The following SCOC variants were observed in gnomAD, a reference collection of about 807,000 sequenced individuals.
SCOC encodes short coiled coil protein.
Under a neutral mutation model 9.9 loss-of-function variants are expected in SCOC, and 7 were observed. The observed-to-expected ratio is 0.71, with a 90% confidence interval of 0.40 to 1.33. The LOEUF is 1.33. Ranked by LOEUF, SCOC falls within the 40% of genes most tolerant of loss-of-function variation. The pLI is 0.01. For synonymous variants in SCOC, 19 were observed against 28.2 expected (o/e 0.67, Z 1.03); for missense variants, 66 against 89.7 (o/e 0.74, Z 1.07).
At chr4:140,265,708 T>C (rs1730717882) in intron 1 of SCOC, among the ~76,000 whole-genome samples, 1 of 152,254 alleles carries the variant, frequency 6.6e-6, no homozygotes, top group Admixed American at 6.5e-5. Context: ...ATGTAGGCTA[T>C]AGTTCACGAT....
intron 1 of SCOC, among the ~76,000 whole-genome samples, chr4:140,265,644 AT>A (rs1366654148): frequency 1.3e-5 from 2 of 152,190 alleles, no homozygotes; most frequent in Admixed American, 6.5e-5. Context: ...GCCACATTTG[AT>A]TGATCAAAAT....
intron 1 of SCOC, among the ~76,000 whole-genome samples, chr4:140,322,693 A>G (rs1732535050): frequency 6.6e-6 from 1 of 152,200 alleles, no homozygotes; most frequent in African/African-American, 2.4e-5. Context: ...GAAACAATTT[A>G]AAGATGGAAT....
chr4:140,281,335 G>C (rs1437874102), intron 1 of SCOC, among the ~76,000 whole-genome samples: 1 of 151,782 alleles, frequency 6.6e-6, no homozygotes, highest in Non-Finnish European at 1.5e-5. Context: ...GGACACATCA[G>C]GTGTGCAGAA....
chr4:140,362,146 C>T (rs960440404), intron 2 of SCOC, among the ~76,000 whole-genome samples: 21 of 151,292 alleles, frequency 1.4e-4, no homozygotes, highest in Non-Finnish European at 2.8e-4. Context: ...GAGAGCCTGG[C>T]CATATCTTTG....
At chr4:140,362,015 T>A (rs903656106) in intron 2 of SCOC, among the ~76,000 whole-genome samples, 102 of 151,858 alleles carry the variant, frequency 6.7e-4, no homozygotes, top group Non-Finnish European at 1.4e-3. Context: ...TGATTTAAAT[T>A]GGTTGTCATC....
At chr4:140,363,604 T>C (rs1459885780) in intron 2 of SCOC, among the ~76,000 whole-genome samples, 1 of 152,224 alleles carries the variant, frequency 6.6e-6, no homozygotes, top group Non-Finnish European at 1.5e-5. Flanking sequence ...TAAACAAATG[T>C]ACAGATGCTG....
chr4:140,339,252 G>A (rs1443477884), upstream of SCOC, among the ~76,000 whole-genome samples: 1 of 152,076 alleles, frequency 6.6e-6, no homozygotes, highest in Non-Finnish European at 1.5e-5. Flanking sequence ...GCCATATGTA[G>A]AAAGCTGAAA....
intron 2 of SCOC, chr4:140,366,150 C>T: frequency 4.2e-6 from 2 of 481,398 alleles, no homozygotes; most frequent in Non-Finnish European, 7.0e-6. Context: ...TAGAGCCTTG[C>T]TTGCAATCTT....
At chr4:140,320,642 G>A (rs1294625452) in intron 1 of SCOC, among the ~76,000 whole-genome samples, 1 of 152,042 alleles carries the variant, frequency 6.6e-6, no homozygotes, top group African/African-American at 2.4e-5. Context: ...AGAAGCCTCA[G>A]AAAATGTCCT....
At chr4:140,365,728 C>A (rs927271045) in intron 2 of SCOC, among the ~76,000 whole-genome samples, 2 of 152,096 alleles carry the variant, frequency 1.3e-5, no homozygotes, top group Non-Finnish European at 2.9e-5. Context: ...TCATGATGAC[C>A]CACTTCCACG....
At chr4:140,322,036 C>T (rs567108230) in intron 1 of SCOC, among the ~76,000 whole-genome samples, 1 of 152,306 alleles carries the variant, frequency 6.6e-6, no homozygotes, top group African/African-American at 2.4e-5. Context: ...TAGCATCTGG[C>T]TCACCAGATG....
intron 1 of SCOC, among the ~76,000 whole-genome samples, chr4:140,304,847 C>T (rs1294005272): frequency 2.0e-5 from 3 of 152,280 alleles, no homozygotes; most frequent in Non-Finnish European, 2.9e-5. Flanking sequence ...GATCCAGAAC[C>T]GATTTGAGGT....
intron 2 of SCOC, among the ~76,000 whole-genome samples, chr4:140,347,758 TAA>T (rs1726800234): frequency 6.6e-6 from 1 of 152,212 alleles, no homozygotes; most frequent in Admixed American, 6.5e-5. Flanking sequence ...CCTACTTTTC[TAA>T]AACAAGCTAT....
chr4:140,290,754 A>G (rs1322127808), intron 1 of SCOC, among the ~76,000 whole-genome samples: 1 of 152,198 alleles, frequency 6.6e-6, no homozygotes, highest in Non-Finnish European at 1.5e-5. Flanking sequence ...TGAAGGTTGC[A>G]GTGAGCTGAG....
upstream of SCOC, chr4:140,373,393 G>T (rs1382418046): frequency 1.4e-6 from 2 of 1,461,072 alleles, no homozygotes; most frequent in Admixed American, 2.7e-5. Context: ...GCTTAGCTTC[G>T]CTTCTTTACT....
chr4:140,373,237 A>G, upstream of SCOC: 1 of 1,178,446 alleles, frequency 8.5e-7, no homozygotes, highest in Non-Finnish European at 1.1e-6. Flanking sequence ...TCGAACTTGA[A>G]TGACTTCTCT....
chr4:140,275,176 T>G (rs1010339260), intron 1 of SCOC, among the ~76,000 whole-genome samples: 2 of 152,200 alleles, frequency 1.3e-5, no homozygotes, highest in Non-Finnish European at 2.9e-5. Flanking sequence ...TCTTAAATCC[T>G]CTCATTTCAA....
At chr4:140,332,214 A>G (rs917705240) in intron 1 of SCOC, among the ~76,000 whole-genome samples, 4 of 152,104 alleles carry the variant, frequency 2.6e-5, no homozygotes, top group African/African-American at 9.7e-5. Flanking sequence ...GATCCAAACC[A>G]TATCAGATGT....
intron 1 of SCOC, among the ~76,000 whole-genome samples, chr4:140,276,797 A>G (rs1414965960): frequency 6.6e-6 from 1 of 151,928 alleles, no homozygotes; most frequent in East Asian, 1.9e-4. Flanking sequence ...CATGTCTGGG[A>G]GTCCCCTTAG....
Sources: gnomAD v4.1 joint callset for allele counts (sites outside exome capture counted in the v4.1 genomes callset) on GRCh38, gnomAD v4.1.1 for gene constraint, MANE v1.5 for transcripts, NCBI Gene and HGNC (gene_info 2026-07-23, HGNC 2026-07-21) for gene names.